The following GXYLT2 variants were observed in gnomAD, a reference collection of about 807,000 sequenced individuals.
GXYLT2 encodes the protein glucoside xylosyltransferase 2, also known as glycosyltransferase 8 domain containing 4.
A neutral mutation model predicts 45.8 loss-of-function variants in GXYLT2; 53 were observed. That is an observed-to-expected ratio of 1.16 (90% CI 0.93 to 1.46). The LOEUF is 1.46. Among genes scored for constraint, GXYLT2 ranks in the 40% most tolerant of loss-of-function variants. The pLI, the probability that GXYLT2 is intolerant of heterozygous loss-of-function variation, is 0.00. For missense variants in GXYLT2, 551 were observed against 544.4 expected (o/e 1.01, Z -0.12); for synonymous variants, 219 against 214.2 (o/e 1.02, Z -0.19).
intron 1 of GXYLT2, among the ~76,000 whole-genome samples, chr3:72,893,487 G>T (rs1709222552): frequency 6.6e-6 from 1 of 152,054 alleles, no homozygotes; most frequent in Non-Finnish European, 1.5e-5. Flanking sequence ...GTAGTCTTTT[G>T]TTTTTCACAG....
In GXYLT2 at chr3:72,908,535, T is replaced by G; in HGVS notation, c.444T>G (p.Ser148=). The G allele has an allele frequency of 1.2e-6, 2 of 1,612,334 alleles. No individual in the cohort carries two copies. The highest frequency in any genetic ancestry group is 1.7e-6 in the Non-Finnish European group (2 of 1,179,374). Residue 148 remains serine, a synonymous_variant, in exon 2 of 7, where the codon TCT becomes TCG. Transcript: ENST00000389617. ...KIQFHIFTED[S]LKPEFDKQLR... ...AATTCCACATCTTCACTGAAGACTC[T>G]CTGAAGCCCGAGTTTGATAAGCAGG...
chr3:72,900,360 C>A (rs1374446088), intron 1 of GXYLT2, among the ~76,000 whole-genome samples: 2 of 152,076 alleles, frequency 1.3e-5, no homozygotes, highest in African/African-American at 4.8e-5. Flanking sequence ...ACACTTGAGC[C>A]AGGACAACTA....
At position 72,936,665 on chromosome 3, in the gene GXYLT2, A is replaced by G. The variant is rs200554191; in HGVS notation, c.600+14330A>G. Among the ~76,000 whole-genome samples the G allele has an allele frequency of 3.0e-4, 18 of 60,538 alleles. No homozygotes were observed. The East Asian group carries it at 6.8e-3, about 23-fold the overall frequency. The allele number at this position is 60,538 out of a possible 152,430, so 39.7% of individuals were successfully genotyped here. A position where few individuals can be genotyped will look rare whatever the true frequency, so the allele number is the denominator to read the frequency against. ...AAAAAACAACAACAACAAAAAAACAACAAAAAAAAACCGAAACAAATTAAC... is the reference window on the plus strand; with the variant it reads ...AAAAAACAACAACAACAAAAAAACAGCAAAAAAAAACCGAAACAAATTAAC... On this transcript the variant is annotated intron_variant, in intron 3 of 6. Transcript: ENST00000389617.
intron 6 of GXYLT2, among the ~76,000 whole-genome samples, chr3:72,972,379 G>T (rs1711001431): frequency 2.6e-5 from 1 of 37,788 alleles, no homozygotes; most frequent in African/African-American, 3.4e-4. Flanking sequence ...GGCGCAGTGG[G>T]TCACACCTCC....
At chr3:72,911,993 G>GTATATATATA (rs1288910128) in intron 2 of GXYLT2, among the ~76,000 whole-genome samples, 22 of 122,904 alleles carry the variant, frequency 1.8e-4, no homozygotes, top group African/African-American at 7.9e-4. Context: ...GTGTGTGTGT[G>GTATATATATA]TATATATATA....
chr3:72,955,962 T>C (rs2107142388), intron 4 of GXYLT2, among the ~76,000 whole-genome samples: 1 of 152,240 alleles, frequency 6.6e-6, no homozygotes, highest in South Asian at 2.1e-4. Flanking sequence ...CCTGTAGTCC[T>C]AGCTATTCAG....
chr3:72,896,537 C>T (rs1392167549), intron 1 of GXYLT2, among the ~76,000 whole-genome samples: 4 of 151,896 alleles, frequency 2.6e-5, no homozygotes, highest in Non-Finnish European at 5.9e-5. Flanking sequence ...ATCTCAGTCT[C>T]CTGGTACTCA....
chr3:72,951,904 C>T (rs1411141049), intron 3 of GXYLT2, among the ~76,000 whole-genome samples: 1 of 151,214 alleles, frequency 6.6e-6, no homozygotes, highest in African/African-American at 2.4e-5. Flanking sequence ...TGCAGTGGCA[C>T]AATCTCAGCT....
chr3:72,911,525 A>G (rs540502155), intron 2 of GXYLT2, among the ~76,000 whole-genome samples: 2 of 152,292 alleles, frequency 1.3e-5, no homozygotes, highest in African/African-American at 4.8e-5. Context: ...TCCATCTCGG[A>G]TCAGTGGGTC....
In GXYLT2 at chr3:72,959,106, C is replaced by CTTTTTTTTT. The variant is rs55680713; in HGVS notation, c.976+1775_976+1783dup. 5.0e-5 allele frequency among the ~76,000 whole-genome samples: 3 copies of CTTTTTTTTT among 59,992 alleles called. 1 individual carries two copies. In the South Asian group the frequency reaches 1.8e-3, roughly 35 times the overall value. The allele number at this position is 59,992 out of a possible 152,430, so 39.4% of individuals were successfully genotyped here. On this transcript the variant is annotated intron_variant, in intron 5 of 6. Coordinates refer to ENST00000389617, the MANE Select transcript of GXYLT2 (RefSeq NM_001080393.2). ...TATAGGTGTGCATCACCACACCCAG[C>CTTTTTTTTT]TTTTTTTTTTTTTTTTTTTTTTTTT...
intron 1 of GXYLT2, among the ~76,000 whole-genome samples, chr3:72,895,118 A>C (rs1292174576): frequency 6.6e-6 from 1 of 152,204 alleles, no homozygotes; most frequent in African/African-American, 2.4e-5. Flanking sequence ...TACATTATGC[A>C]ACTCAGGGAT....
At chr3:72,950,653 G>A (rs994996731) in intron 3 of GXYLT2, among the ~76,000 whole-genome samples, 15 of 151,596 alleles carry the variant, frequency 9.9e-5, no homozygotes, top group African/African-American at 3.4e-4. Context: ...GGCCAAAAGA[G>A]CTTGTTCAAG....
At chr3:72,967,006 T>C (rs1377502076) in intron 5 of GXYLT2, among the ~76,000 whole-genome samples, 1 of 152,204 alleles carries the variant, frequency 6.6e-6, no homozygotes, top group Non-Finnish European at 1.5e-5. Context: ...TGACCTCAAG[T>C]GATCCTTCCA....
chr3:72,905,536 C>T (rs192117792), intron 1 of GXYLT2, among the ~76,000 whole-genome samples: 2 of 152,330 alleles, frequency 1.3e-5, no homozygotes, highest in Admixed American at 1.3e-4. Context: ...TTTGCATAGT[C>T]ACTGAAGTTT....
chr3:72,968,702 T>G (rs1490388569), intron 6 of GXYLT2, among the ~76,000 whole-genome samples: 1 of 151,830 alleles, frequency 6.6e-6, no homozygotes, highest in Non-Finnish European at 1.5e-5. Flanking sequence ...CCAAGGCAGG[T>G]GGATCACGAG....
intron 5 of GXYLT2, among the ~76,000 whole-genome samples, chr3:72,963,566 A>C (rs1189653880): frequency 1.3e-5 from 2 of 150,480 alleles, no homozygotes; most frequent in Admixed American, 6.7e-5. Context: ...GCAGTGGCAC[A>C]ATCTTGGCTC....
At chr3:72,930,258 A>C (rs1710003056) in intron 3 of GXYLT2, among the ~76,000 whole-genome samples, 1 of 151,486 alleles carries the variant, frequency 6.6e-6, no homozygotes, top group African/African-American at 2.4e-5. Flanking sequence ...TCATGCCTGT[A>C]ATTCTAGCTG....
intron 3 of GXYLT2, among the ~76,000 whole-genome samples, chr3:72,951,282 G>A (rs1254648850): frequency 6.6e-6 from 1 of 152,100 alleles, no homozygotes; most frequent in African/African-American, 2.4e-5. Flanking sequence ...ATCATATTAG[G>A]AAGGTTCAAA....
chr3:72,958,932 A>G (rs1461584387), intron 5 of GXYLT2, among the ~76,000 whole-genome samples: 2 of 137,632 alleles, frequency 1.5e-5, no homozygotes, highest in Non-Finnish European at 3.1e-5. Context: ...GTGCCCAGGT[A>G]TTTTTTTTTC....
Sources: allele counts gnomAD v4.1 joint callset (sites outside exome capture counted in the v4.1 genomes callset), GRCh38; gene constraint gnomAD v4.1.1; transcripts MANE v1.5; gene names NCBI Gene and HGNC (gene_info 2026-07-23, HGNC 2026-07-21).